Variants in ANK3 observed in about 807,000 individuals in gnomAD.
ANK3 encodes ankyrin 3, also known as ankyrin-3.
ANK3 carries 57 observed loss-of-function variants against 370.9 expected under a neutral mutation model. That is an observed-to-expected ratio of 0.15 (90% CI 0.12 to 0.19). ANK3 has a LOEUF of 0.19. Among genes scored for constraint, ANK3 ranks in the 10% least tolerant of loss-of-function variants. The pLI is 1.00. For missense variants in ANK3, 4,439 were observed against 5,302.1 expected, an observed-to-expected ratio of 0.84 and a Z score of 5.06; for synonymous variants, 1,929 against 1,946.3, an observed-to-expected ratio of 0.99 and a Z score of 0.23.
At chr10:60,280,370 C>T (rs1324475049) in intron 1 of ANK3, among the ~76,000 whole-genome samples, 1 of 152,136 alleles carries the variant, frequency 6.6e-6, no homozygotes, top group Non-Finnish European at 1.5e-5. Context: ...ATATGTTGTA[C>T]TTAATAGTCT....
intron 2 of ANK3, among the ~76,000 whole-genome samples, chr10:60,450,026 A>T (rs2064555946): frequency 6.6e-6 from 1 of 152,204 alleles, no homozygotes; most frequent in Non-Finnish European, 1.5e-5. Context: ...GGCTGGGCAC[A>T]GTGACTCATG....
At chr10:60,592,656 C>T (rs552451174) in intron 2 of ANK3, among the ~76,000 whole-genome samples, 3 of 152,158 alleles carry the variant, frequency 2.0e-5, no homozygotes, top group African/African-American at 4.8e-5. Context: ...CCCAGCTACT[C>T]GGGAGGCTGA....
Position 60,311,494 on chromosome 10 carries a change from A to AG in ANK3, c.115-31856_115-31855insC, listed in dbSNP as rs1467534253. 1.2e-3 allele frequency among the ~76,000 whole-genome samples: 177 copies of AG among 143,056 alleles called. 3 individuals are homozygous for AG. The East Asian group carries it at 0.019, about 15-fold the overall frequency. The allele number at this position is 143,056 out of a possible 152,430, so 93.9% of individuals were successfully genotyped here. ...GAAGCCAAAAAAAAAAAAAAAAAAA[A>AG]AGAGAGAGAGAGGGAGAATAGTCCT... On this transcript the variant is annotated intron_variant, in intron 1 of 43. Transcript: ENST00000280772.
rs10994382 is a variant in ANK3 at position 60,490,861 on chromosome 10, T to C, written c.96+124325A>G. On this transcript the variant is annotated intron_variant, in intron 2 of 43. Coordinates refer to the ANK3 transcript ENST00000373827. ...CAGTTTTGATAATTGTCTAAACTTA[T>C]GTAAAAATCACCCAAAACAAAATAT... Among the ~76,000 whole-genome samples the C allele has an allele frequency of 6.3e-3, 953 of 152,298 alleles. 10 individuals carry two copies. Among genetic ancestry groups the C allele is most frequent in the African/African-American group, 0.021 (878 of 41,562 alleles).
Position 60,055,836 on chromosome 10 carries a change from G to C in ANK3, c.12887C>G (p.Pro4296Arg), listed in dbSNP as rs1341015413. ...KIHGSGHVEE[P>R]ASPLAAYQKS... ...CTGATATGCTGCTAGTGGTGATGCTGGTTCTTCAACATGACCAGATCCATG... is the reference window on the plus strand; with the variant it reads ...CTGATATGCTGCTAGTGGTGATGCTCGTTCTTCAACATGACCAGATCCATG... Residue 4296 changes from proline to arginine, a missense_variant, in exon 42 of 44, where the codon CCA becomes CGA. This residue lies in a region of ANK3 where 242 missense variants were observed against 228.0 expected (regional missense o/e 1.06). Transcript: ENST00000280772. 12 of 1,613,976 alleles carry C rather than the reference G, an allele frequency of 7.4e-6. No homozygotes were observed. Among genetic ancestry groups the C allele is most frequent in the Admixed American group, 5.0e-5 (3 of 59,996 alleles).
At chr10:60,186,325 T>G (rs1271593250) in intron 17 of ANK3, among the ~76,000 whole-genome samples, 1 of 148,744 alleles carries the variant, frequency 6.7e-6, no homozygotes, top group Non-Finnish European at 1.5e-5. Flanking sequence ...TCTGAATTAT[T>G]TATTTACCAT....
chr10:60,441,044 G>A (rs1226877782), intron 2 of ANK3, among the ~76,000 whole-genome samples: 3 of 152,188 alleles, frequency 2.0e-5, no homozygotes, highest in Non-Finnish European at 4.4e-5. Flanking sequence ...CTACGGGCAG[G>A]AGGGTGGGCA....
chr10:60,626,772 G>A (rs960367760), intron 1 of ANK3, among the ~76,000 whole-genome samples: 4 of 152,194 alleles, frequency 2.6e-5, no homozygotes, highest in African/African-American at 7.2e-5. Flanking sequence ...AGGTTAAGAG[G>A]TAGAGTTGGA....
chr10:60,725,893 G>A (rs1382713903), intron 1 of ANK3, among the ~76,000 whole-genome samples: 1 of 152,084 alleles, frequency 6.6e-6, no homozygotes, highest in Admixed American at 6.6e-5. Flanking sequence ...AATGGGGAAA[G>A]TAATTTTTCT....
At chr10:60,553,962 A>G (rs2077150141) in intron 2 of ANK3, among the ~76,000 whole-genome samples, 1 of 152,192 alleles carries the variant, frequency 6.6e-6, no homozygotes, top group African/African-American at 2.4e-5. Context: ...TTAAATAAAT[A>G]TTAGTTTCAA....
At chr10:60,426,921 A>T (rs188891327) in intron 2 of ANK3, among the ~76,000 whole-genome samples, 135 of 152,222 alleles carry the variant, frequency 8.9e-4, no homozygotes, top group Non-Finnish European at 1.6e-3. Flanking sequence ...ATCACACCTG[A>T]TTTCCAGTGA....
intron 43 of ANK3, among the ~76,000 whole-genome samples, chr10:60,038,675 G>T (rs1295779503): frequency 6.6e-6 from 1 of 151,218 alleles, no homozygotes; most frequent in Non-Finnish European, 1.5e-5. Context: ...TGGCCTACAG[G>T]GCTCTGAATG....
intron 1 of ANK3, among the ~76,000 whole-genome samples, chr10:60,704,915 T>C (rs1043825426): frequency 1.2e-4 from 19 of 152,338 alleles, no homozygotes; most frequent in African/African-American, 4.6e-4. Flanking sequence ...TCATTCTCTA[T>C]ATGAATCAAT....
intron 28 of ANK3, among the ~76,000 whole-genome samples, chr10:60,097,078 T>C (rs921988714): frequency 1.3e-5 from 2 of 152,222 alleles, no homozygotes; most frequent in African/African-American, 4.8e-5. Context: ...GATTGAACTT[T>C]ACACTTACTG....
At chr10:60,698,611 A>G (rs1364164451) in intron 1 of ANK3, among the ~76,000 whole-genome samples, 1 of 149,554 alleles carries the variant, frequency 6.7e-6, no homozygotes, top group Non-Finnish European at 1.5e-5. Flanking sequence ...ACGGACATGG[A>G]TGAAATTGGA....
At chr10:60,287,294 T>G (rs1363861341) in intron 1 of ANK3, among the ~76,000 whole-genome samples, 10 of 152,122 alleles carry the variant, frequency 6.6e-5, no homozygotes, top group Admixed American at 4.6e-4. Context: ...TCCTAACTTC[T>G]TAGCTTTCCC....
At chr10:60,462,288 C>T (rs1476903939) in intron 2 of ANK3, among the ~76,000 whole-genome samples, 3 of 152,120 alleles carry the variant, frequency 2.0e-5, no homozygotes, top group East Asian at 1.9e-4. Flanking sequence ...ACAGGATAGT[C>T]TCTGTGATAT....
chr10:60,680,681 G>A (rs2079183794), intron 1 of ANK3, among the ~76,000 whole-genome samples: 1 of 152,132 alleles, frequency 6.6e-6, no homozygotes, highest in Non-Finnish European at 1.5e-5. Context: ...CCATTTAGAT[G>A]TCTTGATGGC....
At chr10:60,617,031 T>C (rs974517767) in intron 1 of ANK3, among the ~76,000 whole-genome samples, 10 of 152,202 alleles carry the variant, frequency 6.6e-5, no homozygotes, top group Non-Finnish European at 1.5e-4. Context: ...TATTGATTTA[T>C]AAGAGCTCTT....
Sources: allele counts gnomAD v4.1 joint callset (sites outside exome capture counted in the v4.1 genomes callset), GRCh38; gene constraint gnomAD v4.1.1; regional missense constraint gnomAD v4.1.1; transcripts MANE v1.5; gene names NCBI Gene and HGNC (gene_info 2026-07-23, HGNC 2026-07-21).